TTC7B: variants seen among roughly 807,000 people sequenced by gnomAD.
TTC7B encodes the protein tetratricopeptide repeat domain 7B.
In TTC7B, 28 loss-of-function variants were observed where a neutral mutation model predicts 106.8. The ratio of observed to expected loss-of-function variants is 0.26; its 90% CI spans 0.19 to 0.36. The LOEUF is 0.36. Among genes scored for constraint, TTC7B ranks in the 10% least tolerant of loss-of-function variants. The pLI is 1.00. For synonymous variants in TTC7B, 405 were observed against 430.6 expected, an observed-to-expected ratio of 0.94 and a Z score of 0.74; for missense variants, 862 against 1,076.4, an observed-to-expected ratio of 0.80 and a Z score of 2.79.
Position 90,570,870 on chromosome 14 carries a change from C to G in TTC7B, c.2310+7236G>C, listed in dbSNP as rs907682481. 6.6e-6 allele frequency among the ~76,000 whole-genome samples: 1 copy of G among 152,184 alleles called. No homozygotes were observed. The highest frequency in any genetic ancestry group is 2.4e-5 in the African/African-American group (1 of 41,446). On this transcript the variant is annotated intron_variant, in intron 19 of 19. Transcript: ENST00000328459. This position sits in a 1 kb window ranked among gnomAD's most constrained non-coding sequence, Gnocchi z 4.0. ...TTCACTGTCGAGAAAAATGGAAGCACAGAGAGATGAAGGGACTTATCTCGG... is the reference window on the plus strand; with the variant it reads ...TTCACTGTCGAGAAAAATGGAAGCAGAGAGAGATGAAGGGACTTATCTCGG...
intron 1 of TTC7B, among the ~76,000 whole-genome samples, chr14:90,798,216 G>A (rs762286245): frequency 1.1e-4 from 16 of 152,282 alleles, no homozygotes; most frequent in Middle Eastern, 6.8e-3. Flanking sequence ...CTCCATAAGC[G>A]TAAGAGAGCC....
intron 3 of TTC7B, among the ~76,000 whole-genome samples, chr14:90,755,973 G>A (rs1890280332): frequency 1.3e-5 from 2 of 152,224 alleles, no homozygotes; most frequent in Non-Finnish European, 2.9e-5. Flanking sequence ...GAAAAATGCA[G>A]AAAAGCATCA....
intron 3 of TTC7B, 71 bp downstream of exon 3, chr14:90,780,667 A>G: frequency 6.5e-7 from 1 of 1,537,170 alleles, no homozygotes; most frequent in Non-Finnish European, 8.8e-7. Context: ...CCAAGGGTCA[A>G]ATAGGCAGCT....
At chr14:90,749,079 A>G (rs933442386) in intron 3 of TTC7B, among the ~76,000 whole-genome samples, 3 of 152,122 alleles carry the variant, frequency 2.0e-5, no homozygotes, top group African/African-American at 7.2e-5. Flanking sequence ...TCTCACTTGC[A>G]TGGTTTCTGA....
At chr14:90,592,476 A>C (rs1891999935) in intron 18 of TTC7B, among the ~76,000 whole-genome samples, 1 of 152,232 alleles carries the variant, frequency 6.6e-6, no homozygotes, top group South Asian at 2.1e-4. Context: ...TGGGAGGCCA[A>C]GGTGGACGGA....
intron 5 of TTC7B, among the ~76,000 whole-genome samples, chr14:90,725,482 A>T (rs1423727623): frequency 1.3e-5 from 2 of 152,200 alleles, no homozygotes; most frequent in Non-Finnish European, 2.9e-5. Context: ...AATTGCAAAG[A>T]GATTATATGG....
rs1468970314 is a variant in TTC7B, at chr14:90,648,690, C to A, written c.1518-1667G>T. 2.0e-5 allele frequency: 3 copies of A among 152,194 alleles called. No individual in the cohort carries two copies. In the East Asian group the frequency reaches 5.8e-4, roughly 29 times the overall value. 9.4% of individuals were successfully genotyped at this position (152,194 alleles called of 1,614,324 possible). ...TTTCTAAGGTCCACTCAGTATATAG[C>A]AGCTTTTATAATTTTACAAATATTG... On this transcript the variant is annotated intron_variant, in intron 13 of 19. Transcript: ENST00000328459.
intron 18 of TTC7B, among the ~76,000 whole-genome samples, chr14:90,591,635 G>A (rs1409578591): frequency 2.0e-5 from 3 of 152,214 alleles, no homozygotes; most frequent in Admixed American, 6.5e-5. Flanking sequence ...CCCTTCTAGT[G>A]TTTTAGACTC....
chr14:90,542,256 A>T (rs1207010531), intron 19 of TTC7B, among the ~76,000 whole-genome samples: 1 of 151,656 alleles, frequency 6.6e-6, no homozygotes, highest in African/African-American at 2.4e-5. Flanking sequence ...TTTTTTTTTT[A>T]AACTAAAGAA....
intron 15 of TTC7B, among the ~76,000 whole-genome samples, chr14:90,641,633 C>T (rs1233420037): frequency 6.6e-6 from 1 of 152,194 alleles, no homozygotes; most frequent in Non-Finnish European, 1.5e-5. Flanking sequence ...GCAAACAAGT[C>T]ACGGACTGCT....
chr14:90,544,141 G>A (rs1480363905), intron 19 of TTC7B, among the ~76,000 whole-genome samples: 1 of 152,222 alleles, frequency 6.6e-6, no homozygotes, highest in Non-Finnish European at 1.5e-5. Context: ...GCAGTTTAGG[G>A]AGCTCTCCTG....
chr14:90,690,370 C>T (rs1235470734), intron 6 of TTC7B, among the ~76,000 whole-genome samples: 2 of 152,160 alleles, frequency 1.3e-5, no homozygotes, highest in Non-Finnish European at 2.9e-5. Flanking sequence ...GATGGGTATC[C>T]CCTTCTTCAC....
chr14:90,603,641 A>G (rs2139833349), intron 17 of TTC7B, among the ~76,000 whole-genome samples: 1 of 152,342 alleles, frequency 6.6e-6, no homozygotes, highest in South Asian at 2.1e-4. Flanking sequence ...CTTTCCACAC[A>G]TTAACCCTAA....
At chr14:90,791,200 C>A (rs967068769) in intron 1 of TTC7B, among the ~76,000 whole-genome samples, 3 of 152,106 alleles carry the variant, frequency 2.0e-5, no homozygotes, top group Non-Finnish European at 4.4e-5. Context: ...ATATTCCAAG[C>A]GCTGCAGACC....
At chr14:90,644,886 T>G (rs190040024) in intron 14 of TTC7B, 13 of 152,384 alleles carry the variant, frequency 8.5e-5, no homozygotes, top group African/African-American at 2.9e-4. Context: ...AAAGCAGATG[T>G]GTCCAAATTC....
chr14:90,546,941 G>T (rs1889863544), intron 19 of TTC7B, among the ~76,000 whole-genome samples: 1 of 152,238 alleles, frequency 6.6e-6, no homozygotes, highest in Admixed American at 6.5e-5. Context: ...CCGCCTACAG[G>T]TAGCTAGCGG....
chr14:90,729,885 G>A (rs529958246), intron 5 of TTC7B, among the ~76,000 whole-genome samples, 190 bp downstream of exon 5: 1 of 152,056 alleles, frequency 6.6e-6, no homozygotes, highest in South Asian at 2.1e-4. Flanking sequence ...ACATCTCATG[G>A]GAAAGCAAGA....
chr14:90,777,002 G>A (rs372260932), intron 3 of TTC7B, among the ~76,000 whole-genome samples: 10 of 152,164 alleles, frequency 6.6e-5, no homozygotes, highest in Non-Finnish European at 1.2e-4. Flanking sequence ...TTGGGAGGCC[G>A]AGGTGGGTGG....
intron 17 of TTC7B, among the ~76,000 whole-genome samples, chr14:90,605,159 T>C (rs1435185423): frequency 6.6e-6 from 1 of 152,226 alleles, no homozygotes; most frequent in Non-Finnish European, 1.5e-5. Context: ...AACCACATGC[T>C]GAAAGGGCTG....
Sources: gnomAD v4.1 joint callset for allele counts (sites outside exome capture counted in the v4.1 genomes callset) on GRCh38, gnomAD v4.1.1 for gene constraint, Gnocchi (gnomAD v3.1) non-coding constraint, MANE v1.5 for transcripts, NCBI Gene and HGNC (gene_info 2026-07-23, HGNC 2026-07-21) for gene names.